Variants in NAV3 observed in about 807,000 individuals in gnomAD.
NAV3 encodes pore membrane and/or filament interacting like protein 1.
Under a neutral mutation model 244.7 loss-of-function variants are expected in NAV3, and 87 were observed. The observed-to-expected ratio is 0.36, with a 90% CI of 0.30 to 0.42. The LOEUF (loss-of-function observed/expected upper bound fraction) is 0.42. NAV3 is among the 20% of genes least tolerant of loss of function. The pLI, the probability that NAV3 is intolerant of heterozygous loss-of-function variation, is 1.00. For missense variants in NAV3, 2,663 were observed against 2,893.3 expected, an observed-to-expected ratio of 0.92 and a Z score of 1.83; for synonymous variants, 1,126 against 1,042.2, an observed-to-expected ratio of 1.08 and a Z score of -1.55.
chr12:77,938,038 T>C (rs1442771845), intron 1 of NAV3, among the ~76,000 whole-genome samples: 1 of 152,112 alleles, frequency 6.6e-6, no homozygotes, highest in Non-Finnish European at 1.5e-5. Flanking sequence ...TAGTAAGTGG[T>C]CTCAAGTCAG....
At chr12:77,753,622 A>G (rs1375461881) in intron 2 of NAV3, among the ~76,000 whole-genome samples, 1 of 152,190 alleles carries the variant, frequency 6.6e-6, no homozygotes, top group African/African-American at 2.4e-5. Flanking sequence ...GAGGTGTTTT[A>G]TTCTCTCTTA....
In NAV3 at chr12:78,159,185, C is replaced by T. The variant is rs771141742; in HGVS notation, c.4786-18C>T. 1.6e-5 allele frequency: 25 copies of T among 1,605,518 alleles called. No individual in the cohort carries two copies. The South Asian group carries it at 2.6e-4, about 16-fold the overall frequency. ...AGATTCTGACATTTAAACTATGTTT[C>T]TTCCATTCTGTTCACAGGCTCACCT... On this transcript the variant is annotated intron_variant, in intron 22 of 39. Transcript: ENST00000397909.
At chr12:78,181,214 A>G (rs528452157) in intron 30 of NAV3, among the ~76,000 whole-genome samples, 169 bp downstream of exon 30, 13 of 152,190 alleles carry the variant, frequency 8.5e-5, no homozygotes, top group Admixed American at 4.6e-4. Context: ...TAATTTTAAA[A>G]GCACATTCTC....
At chr12:78,193,333 A>G (rs1959063549) in intron 34 of NAV3, among the ~76,000 whole-genome samples, 1 of 152,218 alleles carries the variant, frequency 6.6e-6, no homozygotes, top group African/African-American at 2.4e-5. Context: ...TAGTAGGCCC[A>G]GAGGGCTAGA....
intron 1 of NAV3, among the ~76,000 whole-genome samples, chr12:77,852,778 G>T (rs963126205): frequency 3.3e-5 from 5 of 152,104 alleles, no homozygotes; most frequent in African/African-American, 1.2e-4. Context: ...ATTTACAATT[G>T]CTGTCTGACA....
intron 2 of NAV3, among the ~76,000 whole-genome samples, chr12:77,659,552 C>T (rs371772890): frequency 1.3e-5 from 2 of 152,082 alleles, no homozygotes; most frequent in African/African-American, 2.4e-5. Flanking sequence ...GTCAGTGTGG[C>T]GATTCCTCAG....
At chr12:77,788,781 G>A (rs889638654) in intron 2 of NAV3, among the ~76,000 whole-genome samples, 1 of 151,702 alleles carries the variant, frequency 6.6e-6, no homozygotes, top group Admixed American at 6.6e-5. Flanking sequence ...CACAGTAATT[G>A]AGATTCCAAA....
At chr12:78,200,190 C>A (rs1959498950) in intron 37 of NAV3, among the ~76,000 whole-genome samples, 1 of 151,972 alleles carries the variant, frequency 6.6e-6, no homozygotes, top group Non-Finnish European at 1.5e-5. Context: ...TTCAGCACAG[C>A]TTTATTGCTT....
intron 1 of NAV3, among the ~76,000 whole-genome samples, chr12:77,858,799 A>G (rs1878775292): frequency 6.6e-6 from 1 of 152,124 alleles, no homozygotes; most frequent in Non-Finnish European, 1.5e-5. Context: ...TTATATCCAT[A>G]TAACAATAAC....
intron 2 of NAV3, among the ~76,000 whole-genome samples, chr12:77,600,027 G>T (rs533792754): frequency 1.3e-5 from 2 of 152,082 alleles, no homozygotes; most frequent in African/African-American, 2.4e-5. Flanking sequence ...GATCTTTGAA[G>T]AACTGCACAA....
chr12:78,188,383 T>A (rs2139844707), intron 32 of NAV3, 40 bp downstream of exon 32: 3 of 1,495,482 alleles, frequency 2.0e-6, no homozygotes, highest in Non-Finnish European at 2.8e-6. Context: ...TTTTCAAATA[T>A]GTTTCTCTTT....
At chr12:77,695,276 G>A (rs757568132) in intron 2 of NAV3, among the ~76,000 whole-genome samples, 1 of 152,116 alleles carries the variant, frequency 6.6e-6, no homozygotes, top group Non-Finnish European at 1.5e-5. Flanking sequence ...TAGTTTCATG[G>A]TTAGAGGTCT....
At chr12:78,076,527 A>G (rs1408929148) in intron 12 of NAV3, among the ~76,000 whole-genome samples, 2 of 152,170 alleles carry the variant, frequency 1.3e-5, no homozygotes, top group East Asian at 3.9e-4. Flanking sequence ...TTGCCATCAT[A>G]TGCATCTTAA....
intron 1 of NAV3, among the ~76,000 whole-genome samples, chr12:77,839,889 A>G (rs1224104743): frequency 6.6e-6 from 1 of 152,120 alleles, no homozygotes; most frequent in Non-Finnish European, 1.5e-5. Context: ...CCTGGCCAAC[A>G]TGGTGAAAAC....
chr12:77,963,096 A>C (rs916983844), intron 3 of NAV3, among the ~76,000 whole-genome samples: 1 of 152,156 alleles, frequency 6.6e-6, no homozygotes, highest in African/African-American at 2.4e-5. Flanking sequence ...TTTGATGGTA[A>C]AATAACTTTT....
chr12:77,958,951 T>C (rs1414606754), intron 3 of NAV3, among the ~76,000 whole-genome samples: 1 of 152,196 alleles, frequency 6.6e-6, no homozygotes, highest in Non-Finnish European at 1.5e-5. Context: ...GTTGAAATCA[T>C]AATGAATTTC....
chr12:77,773,893 A>G (rs1345466090), intron 2 of NAV3, among the ~76,000 whole-genome samples: 1 of 152,178 alleles, frequency 6.6e-6, no homozygotes, highest in African/African-American at 2.4e-5. Context: ...TTGCATTCAT[A>G]GGCTACCCTT....
chr12:77,617,466 A>G (rs1274358896), intron 2 of NAV3, among the ~76,000 whole-genome samples: 1 of 152,242 alleles, frequency 6.6e-6, no homozygotes, highest in Non-Finnish European at 1.5e-5. Flanking sequence ...AAACAGCACT[A>G]TGGAGAGAGG....
chr12:77,907,211 T>G (rs186042799), intron 1 of NAV3, among the ~76,000 whole-genome samples: 9 of 152,266 alleles, frequency 5.9e-5, no homozygotes, highest in African/African-American at 2.2e-4. Flanking sequence ...GCGAAAGCCA[T>G]GTGTGAAGGA....
Sources: allele counts gnomAD v4.1 joint callset (sites outside exome capture counted in the v4.1 genomes callset), GRCh38; gene constraint gnomAD v4.1.1; transcripts MANE v1.5; gene names NCBI Gene and HGNC (gene_info 2026-07-23, HGNC 2026-07-21).